The following PPM1H variants were observed in gnomAD, a reference collection of about 807,000 sequenced individuals.
PPM1H encodes the protein protein phosphatase 1H.
PPM1H carries 27 observed loss-of-function variants against 54.9 expected under a neutral mutation model. The observed-to-expected ratio is 0.49, with a 90% CI of 0.36 to 0.68. The LOEUF (loss-of-function observed/expected upper bound fraction) is 0.68, where lower values mean the gene tolerates loss of function less well. Among genes scored for constraint, PPM1H ranks in the 30% least tolerant of loss-of-function variants. The probability of loss-of-function intolerance (pLI) is 0.00; values close to 1 mark genes in which losing one functional copy is unlikely to be tolerated. For synonymous variants in PPM1H, 305 were observed against 270.8 expected (o/e 1.13, Z -1.24); for missense variants, 596 against 667.8 (o/e 0.89, Z 1.19).
In PPM1H at chr12:62,804,667, TTTTTTTTTC is replaced by T. The variant is rs1369228504; in HGVS notation, c.412-2516_412-2508del. Among the ~76,000 whole-genome samples the T allele has an allele frequency of 2.2e-5, 3 of 136,034 alleles. No homozygotes were observed. In the East Asian group the frequency reaches 6.0e-4, roughly 27 times the overall value. The allele number at this position is 136,034 out of a possible 152,430, so 89.2% of individuals were successfully genotyped here. A position where few individuals can be genotyped will look rare whatever the true frequency, so the allele number is the denominator to read the frequency against. On this transcript the variant is annotated intron_variant, in intron 2 of 9. Transcript: ENST00000228705. ...TTAATGCTTCATTTTGGTTAATTTC[TTTTTTTTTC>T]TTTTTTTTTTTTTTTTTGAGACGGA...
At chr12:62,771,116 G>A (rs2076577069) in intron 4 of PPM1H, among the ~76,000 whole-genome samples, 2 of 141,630 alleles carry the variant, frequency 1.4e-5, no homozygotes, top group Non-Finnish European at 3.0e-5. Flanking sequence ...CCTGAGAGCT[G>A]GGAGGCTTTT....
Position 62,751,610 on chromosome 12 carries a change from C to A in PPM1H, c.870-14024G>T, listed in dbSNP as rs1194904784. Among the ~76,000 whole-genome samples the A allele has an allele frequency of 5.9e-5, 9 of 152,166 alleles. No homozygotes were observed. In the East Asian group the frequency reaches 1.7e-3, roughly 29 times the overall value. ...CTCATGGATCTCCATCCCTGGAATTCTTTAAAAAGATGTAAAGGAGCTTTG... is the reference window on the plus strand; with the variant it reads ...CTCATGGATCTCCATCCCTGGAATTATTTAAAAAGATGTAAAGGAGCTTTG... On this transcript the variant is annotated intron_variant, in intron 4 of 9. Coordinates refer to ENST00000228705, the MANE Select transcript of PPM1H (RefSeq NM_020700.2).
chr12:62,804,865 C>CG (rs1288198835), intron 2 of PPM1H, among the ~76,000 whole-genome samples: 1 of 151,000 alleles, frequency 6.6e-6, no homozygotes, highest in Non-Finnish European at 1.5e-5. Context: ...TTAGTAGAGA[C>CG]GGGGTTTCAC....
chr12:62,742,298 C>T (rs963645176), intron 4 of PPM1H, among the ~76,000 whole-genome samples: 16 of 152,198 alleles, frequency 1.1e-4, no homozygotes, highest in Non-Finnish European at 1.9e-4. Context: ...TAAGAGGCAT[C>T]CATGGATTAA....
At chr12:62,716,716 G>A (rs555954307) in intron 6 of PPM1H, among the ~76,000 whole-genome samples, 1 of 152,114 alleles carries the variant, frequency 6.6e-6, no homozygotes, top group Admixed American at 6.5e-5. Context: ...TTGTTATAGA[G>A]ATGGGGTCTC....
intron 1 of PPM1H, among the ~76,000 whole-genome samples, chr12:62,913,587 G>A (rs752126192): frequency 2.0e-5 from 3 of 152,062 alleles, no homozygotes; most frequent in Admixed American, 6.5e-5. Context: ...TGGCTTGTTC[G>A]GCTGGATGGG....
intron 9 of PPM1H, among the ~76,000 whole-genome samples, chr12:62,650,864 A>T (rs972945977): frequency 6.6e-6 from 1 of 152,168 alleles, no homozygotes; most frequent in African/African-American, 2.4e-5. Context: ...CCTGACATGT[A>T]GGGATTACAA....
intron 6 of PPM1H, among the ~76,000 whole-genome samples, chr12:62,708,575 T>C (rs554623266): frequency 4.9e-4 from 75 of 152,352 alleles, no homozygotes; most frequent in African/African-American, 1.7e-3. Context: ...TGTGAGTACC[T>C]GGAAAATTTC....
intron 3 of PPM1H, among the ~76,000 whole-genome samples, chr12:62,790,937 C>A (rs1482339794): frequency 1.3e-5 from 2 of 152,192 alleles, no homozygotes; most frequent in Non-Finnish European, 2.9e-5. Context: ...AGTAGGATAT[C>A]TGGACCCTTC....
At chr12:62,783,437 A>C (rs2076653513) in intron 4 of PPM1H, among the ~76,000 whole-genome samples, 1 of 152,238 alleles carries the variant, frequency 6.6e-6, no homozygotes, top group African/African-American at 2.4e-5. Context: ...TAAAATGAGA[A>C]AAACAAAACC....
At chr12:62,697,984 A>C (rs1182359137) in intron 6 of PPM1H, among the ~76,000 whole-genome samples, 2 of 152,174 alleles carry the variant, frequency 1.3e-5, no homozygotes, top group Non-Finnish European at 2.9e-5. Flanking sequence ...TGCAAGGCTT[A>C]AAAGGGTTGC....
Position 62,856,886 on chromosome 12 carries a change from G to A in PPM1H, c.246-24607C>T, listed in dbSNP as rs192435089. Among the ~76,000 whole-genome samples, 209 of 152,132 alleles carry A rather than the reference G, an allele frequency of 1.4e-3. 1 individual carries two copies. Among genetic ancestry groups the A allele is most frequent in the African/African-American group, 4.6e-3 (192 of 41,508 alleles). On this transcript the variant is annotated intron_variant, in intron 1 of 9. Coordinates refer to ENST00000228705, the MANE Select transcript of PPM1H (RefSeq NM_020700.2). The stretch of plus-strand genomic sequence containing the variant: ...TCACAAGAGCAGGAAAGATCCCTAC[G>A]GCTTCACAGGGTACCAGACACTTGG...
At chr12:62,872,850 A>C (rs537656006) in intron 1 of PPM1H, among the ~76,000 whole-genome samples, 1 of 152,342 alleles carries the variant, frequency 6.6e-6, no homozygotes, top group East Asian at 1.9e-4. Context: ...TGTGCAAAGA[A>C]GGCACATTAG....
At position 62,644,974 on chromosome 12, in the gene PPM1H, G is replaced by A. The variant is rs1197737925; in HGVS notation, c.*3515C>T. 1 of 152,242 alleles carries A rather than the reference G, an allele frequency of 6.6e-6. No individual in the cohort carries two copies. The highest frequency in any genetic ancestry group is 1.5e-5 in the Non-Finnish European group (1 of 68,038). The allele number at this position is 152,242 out of a possible 1,614,324, so 9.4% of individuals were successfully genotyped here. ...ACATATTCACTCTGAAAACAGCGGA[G>A]CTGCTGGGTCGCTTAAGGAAAGCTG... On this transcript the variant is annotated 3_prime_UTR_variant, in exon 10 of 10. Transcript: ENST00000228705.
chr12:62,658,212 T>TTTTTA (rs768288538), intron 9 of PPM1H, among the ~76,000 whole-genome samples: 1 of 130,596 alleles, frequency 7.7e-6, no homozygotes, highest in Admixed American at 7.7e-5. Context: ...TTTTTTTTTT[T>TTTTTA]AAGTAAAAAA....
chr12:62,896,856 T>C (rs2121100679), intron 1 of PPM1H, among the ~76,000 whole-genome samples: 1 of 152,160 alleles, frequency 6.6e-6, no homozygotes, highest in African/African-American at 2.4e-5. Context: ...AACCCAAATG[T>C]CCATCAATGA....
At chr12:62,840,552 G>A (rs1664882334) in intron 1 of PPM1H, among the ~76,000 whole-genome samples, 1 of 152,170 alleles carries the variant, frequency 6.6e-6, no homozygotes, top group African/African-American at 2.4e-5. Context: ...GTCAGGGGAA[G>A]TATCACAGAT....
intron 1 of PPM1H, among the ~76,000 whole-genome samples, chr12:62,907,958 A>G (rs1420603608): frequency 1.3e-5 from 2 of 152,368 alleles, no homozygotes; most frequent in Non-Finnish European, 2.9e-5. Context: ...GGCAACATCA[A>G]TTAAGATAAT....
intron 1 of PPM1H, among the ~76,000 whole-genome samples, chr12:62,832,870 A>T (rs183036765): frequency 1.3e-5 from 2 of 152,278 alleles, no homozygotes; most frequent in East Asian, 3.8e-4. Context: ...TTTTTCATGT[A>T]GAATAATACT....
Sources: gnomAD v4.1 joint callset for allele counts (sites outside exome capture counted in the v4.1 genomes callset) on GRCh38, gnomAD v4.1.1 for gene constraint, MANE v1.5 for transcripts, NCBI Gene and HGNC (gene_info 2026-07-23, HGNC 2026-07-21) for gene names.